The following PCDHGA3 variants were observed in gnomAD, a reference collection of about 807,000 sequenced individuals.
The protein encoded by PCDHGA3 is protocadherin gamma-A3.
PCDHGA3 carries 40 observed loss-of-function variants against 58.5 expected under a neutral mutation model. The ratio of observed to expected loss-of-function variants is 0.68; its 90% CI spans 0.53 to 0.89. PCDHGA3 has a LOEUF of 0.89. Ranked by LOEUF, PCDHGA3 falls within the 40% of genes least tolerant of loss-of-function variation. The pLI is 0.00. For synonymous variants in PCDHGA3, 530 were observed against 525.7 expected, an observed-to-expected ratio of 1.01 and a Z score of -0.11; for missense variants, 1,223 against 1,195.9, an observed-to-expected ratio of 1.02 and a Z score of -0.33.
chr5:141,457,079 C>T (rs114054058), intron 1 of PCDHGA3, among the ~76,000 whole-genome samples: 2,973 of 152,194 alleles, frequency 0.02, 43 homozygotes, highest in African/African-American at 0.029. Flanking sequence ...AACTATTATC[C>T]CTGCTATAAG....
At chr5:141,372,366 G>T in intron 1 of PCDHGA3, 2 of 1,613,950 alleles carry the variant, frequency 1.2e-6, no homozygotes, top group East Asian at 4.5e-5. Context: ...TTCAGCCACC[G>T]TCATGCTGCA....
intron 1 of PCDHGA3, chr5:141,395,873 G>A (rs1430280971): frequency 6.6e-6 from 1 of 152,046 alleles, no homozygotes; most frequent in Non-Finnish European, 1.5e-5. Flanking sequence ...TTAAGTATGT[G>A]AGTCAGTGGT....
chr5:141,389,131 A>G, intron 1 of PCDHGA3: 2 of 1,614,024 alleles, frequency 1.2e-6, no homozygotes, highest in African/African-American at 2.7e-5. Flanking sequence ...AATCCAGAGT[A>G]CAATATAACC....
chr5:141,383,004 G>A, intron 1 of PCDHGA3: 1 of 1,613,698 alleles, frequency 6.2e-7, no homozygotes, highest in Non-Finnish European at 8.5e-7. Flanking sequence ...TCTACTCCGT[G>A]TCGGAGGAGA....
intron 2 of PCDHGA3, among the ~76,000 whole-genome samples, chr5:141,504,572 A>G (rs184273457): frequency 6.7e-6 from 1 of 148,962 alleles, no homozygotes; most frequent in Admixed American, 6.9e-5. Flanking sequence ...TCTAGGGAAC[A>G]CCATCTGCCC....
At chr5:141,357,700 A>AC in intron 1 of PCDHGA3, 1 of 1,496,044 alleles carries the variant, frequency 6.7e-7, no homozygotes, top group Non-Finnish European at 9.0e-7. Context: ...TTTTATATGT[A>AC]ATATATCAAA....
intron 1 of PCDHGA3, chr5:141,385,002 C>T: frequency 6.2e-7 from 1 of 1,614,138 alleles, no homozygotes; most frequent in Admixed American, 1.7e-5. Flanking sequence ...CCACAGTCTC[C>T]TGCGTCTTCC....
intron 1 of PCDHGA3, chr5:141,351,686 G>T (rs763397899): frequency 6.2e-7 from 1 of 1,613,970 alleles, no homozygotes; most frequent in African/African-American, 1.3e-5. Context: ...CTCCGACCCG[G>T]ATTTGGGACC....
intron 1 of PCDHGA3, chr5:141,413,635 A>C: frequency 6.2e-7 from 1 of 1,613,888 alleles, no homozygotes; most frequent in Non-Finnish European, 8.5e-7. Context: ...CGCTGCGGGA[A>C]TGCGTTTTCC....
chr5:141,364,771 T>C (rs1763529395), intron 1 of PCDHGA3: 4 of 1,614,002 alleles, frequency 2.5e-6, no homozygotes, highest in Non-Finnish European at 3.4e-6. Flanking sequence ...AAAATGCGGC[T>C]GCAGGGACAC....
intron 1 of PCDHGA3, chr5:141,422,216 C>T (rs1241784107): frequency 6.4e-7 from 1 of 1,563,862 alleles, no homozygotes; most frequent in African/African-American, 1.4e-5. Flanking sequence ...GGTCTCTTTA[C>T]CACCACGACG....
At chr5:141,484,931 A>ACGTT (rs1464416110) in intron 1 of PCDHGA3, 2 of 498,000 alleles carry the variant, frequency 4.0e-6, no homozygotes, top group Non-Finnish European at 7.2e-6. Flanking sequence ...TGCTGTTGGG[A>ACGTT]CGTTCTCTGC....
intron 1 of PCDHGA3, chr5:141,402,966 C>G (rs749578447): frequency 6.8e-6 from 11 of 1,605,942 alleles, no homozygotes; most frequent in Non-Finnish European, 8.5e-6. Context: ...GCAGCTCCAA[C>G]CAAATGCCAG....
At position 141,345,929 on chromosome 5, in the gene PCDHGA3, G is replaced by A; in HGVS notation, c.1896G>A (p.Leu632=). The change falls in exon 1 of 4, where the codon CTG becomes CTA. Residue 632 remains leucine (L), a synonymous_variant. Coordinates refer to ENST00000253812, the MANE Select transcript of PCDHGA3 (RefSeq NM_018916.4). ...HTGEVRTARA[L]LDRDALKQSL... ...GCGAGGTGCGCACGGCGCGAGCCCTGCTGGACAGAGACGCGCTCAAGCAGA... is the reference window on the plus strand; with the variant it reads ...GCGAGGTGCGCACGGCGCGAGCCCTACTGGACAGAGACGCGCTCAAGCAGA... 1.2e-6 allele frequency: 2 copies of A among 1,613,502 alleles called. No homozygotes were observed. Among genetic ancestry groups the A allele is most frequent in the Admixed American group, 1.7e-5 (1 of 60,010 alleles).
intron 1 of PCDHGA3, chr5:141,370,790 C>A: frequency 6.2e-7 from 1 of 1,614,040 alleles, no homozygotes; most frequent in Non-Finnish European, 8.5e-7. Context: ...ACCCACCGAC[C>A]TTTAGCCAAA....
intron 1 of PCDHGA3, chr5:141,421,450 C>A (rs1193440607): frequency 2.5e-6 from 4 of 1,614,126 alleles, no homozygotes; most frequent in Non-Finnish European, 3.4e-6. Flanking sequence ...GAAGACACAG[C>A]TTTTCGCTGT....
At position 141,405,128 on chromosome 5, in the gene PCDHGA3, C is replaced by T. The variant is rs373084923; in HGVS notation, c.2424+58671C>T. On this transcript the variant is annotated intron_variant, in intron 1 of 3. Transcript: ENST00000253812. ...GCACTGGCACTCCTCGCATCTGCTG[C>T]GGGCTACCAGTGATGGGTTGGCTGG... is the stretch of plus-strand genomic sequence containing the variant. The T allele has an allele frequency of 4.8e-5, 78 of 1,614,002 alleles. No individual in the cohort carries two copies. The highest frequency in any genetic ancestry group is 2.8e-4 in the African/African-American group (21 of 75,052).
At chr5:141,469,885 C>A (rs1464434089) in intron 1 of PCDHGA3, among the ~76,000 whole-genome samples, 3 of 152,204 alleles carry the variant, frequency 2.0e-5, no homozygotes, top group African/African-American at 4.8e-5. Context: ...AATCTCGGCA[C>A]TTTGGGAAGC....
At chr5:141,449,106 T>A (rs2154562506) in intron 1 of PCDHGA3, among the ~76,000 whole-genome samples, 2 of 152,314 alleles carry the variant, frequency 1.3e-5, no homozygotes, top group East Asian at 3.9e-4. Context: ...ATGCAGTATA[T>A]CTTTGGGATG....
Sources: gnomAD v4.1 joint callset for allele counts (sites outside exome capture counted in the v4.1 genomes callset) on GRCh38, gnomAD v4.1.1 for gene constraint, MANE v1.5 for transcripts, NCBI Gene and HGNC (gene_info 2026-07-23, HGNC 2026-07-21) for gene names.